ANKRD44: variants seen among roughly 807,000 people sequenced by gnomAD.
ANKRD44 encodes the protein ankyrin repeat domain 44.
In ANKRD44, 35 loss-of-function variants were observed where a neutral mutation model predicts 116.0. The ratio of observed to expected loss-of-function variants is 0.30; its 90% CI spans 0.23 to 0.40. The LOEUF is 0.40. Ranked by LOEUF, ANKRD44 falls within the 10% of genes least tolerant of loss-of-function variation. ANKRD44 has a pLI of 1.00. For missense variants in ANKRD44, 1,014 were observed against 1,242.6 expected, an observed-to-expected ratio of 0.82 and a Z score of 2.77; for synonymous variants, 435 against 461.8, an observed-to-expected ratio of 0.94 and a Z score of 0.74.
Position 196,993,562 on chromosome 2 carries a change from C to T in ANKRD44, c.2923+21G>A, listed in dbSNP as rs188686731. On this transcript the variant is annotated intron_variant, in intron 27 of 27. Transcript: ENST00000282272. ...AGCTTATGGAAGGTACCTGCAGTCGCTGTTGACTTTTTCCACTTACCATTT... is the reference window on the plus strand; with the variant it reads ...AGCTTATGGAAGGTACCTGCAGTCGTTGTTGACTTTTTCCACTTACCATTT... 18 of 1,540,910 alleles carry T rather than the reference C, an allele frequency of 1.2e-5. No homozygotes were observed. In the African/African-American group the frequency reaches 2.5e-4, roughly 21 times the overall value.
At chr2:197,043,299 T>C (rs2124967058) in intron 16 of ANKRD44, among the ~76,000 whole-genome samples, 1 of 152,368 alleles carries the variant, frequency 6.6e-6, no homozygotes, top group Middle Eastern at 3.4e-3. Flanking sequence ...AATAGAAATC[T>C]ATACTTGTAA....
chr2:197,228,529 A>G (rs2125755180), intron 1 of ANKRD44, among the ~76,000 whole-genome samples: 1 of 152,208 alleles, frequency 6.6e-6, no homozygotes, highest in Middle Eastern at 3.4e-3. Context: ...CTAGTTAACC[A>G]CCCTCACATT....
chr2:197,217,106 G>A (rs1590061), intron 1 of ANKRD44, among the ~76,000 whole-genome samples: 51,682 of 151,954 alleles, frequency 0.34, 10,807 homozygotes, highest in East Asian at 0.61. Flanking sequence ...TGGTTTTGCT[G>A]ATGAAAACAG....
chr2:197,023,836 A>G (rs2076541773), intron 17 of ANKRD44, among the ~76,000 whole-genome samples: 1 of 152,252 alleles, frequency 6.6e-6, no homozygotes, highest in South Asian at 2.1e-4. Context: ...AACTGGCATG[A>G]AGATTTATAT....
rs777669694 is a variant in ANKRD44 at position 196,998,382 on chromosome 2, T to G, written c.2703A>C (p.Val901=). 1.9e-6 allele frequency: 3 copies of G among 1,614,004 alleles called. No homozygotes were observed. The South Asian group carries it at 3.3e-5, about 18-fold the overall frequency. The change falls in exon 25 of 28, where the codon GTA becomes GTC. Residue 901 remains valine (V), a synonymous_variant. Coordinates refer to ENST00000282272, the MANE Select transcript of ANKRD44 (RefSeq NM_001195144.2). ...AGGGTGTATTCAAGTCCTTATCCTT[T>G]ACAGTCAGATCAGCCTGGGCACTGT... ...LVNSAQADLT[V]KDKDLNTPLH... is the part of the protein sequence containing the mutation.
chr2:197,108,945 C>T (rs2125267235), intron 9 of ANKRD44, among the ~76,000 whole-genome samples: 1 of 152,294 alleles, frequency 6.6e-6, no homozygotes, highest in South Asian at 2.1e-4. Flanking sequence ...GCCCACATGG[C>T]TCTTGCAGAG....
At chr2:197,258,055 G>A (rs186246086) in intron 1 of ANKRD44, among the ~76,000 whole-genome samples, 2 of 152,064 alleles carry the variant, frequency 1.3e-5, no homozygotes, top group Non-Finnish European at 2.9e-5. Context: ...GTTGCAGCAT[G>A]TGTCAGAATT....
chr2:197,205,633 G>A (rs144290897), intron 1 of ANKRD44, among the ~76,000 whole-genome samples: 1 of 152,268 alleles, frequency 6.6e-6, no homozygotes, highest in Non-Finnish European at 1.5e-5. Context: ...TCCAAGTGCC[G>A]ATGGTGGGCC....
chr2:197,032,617 T>C (rs915134050), intron 16 of ANKRD44, among the ~76,000 whole-genome samples: 1 of 152,198 alleles, frequency 6.6e-6, no homozygotes, highest in Non-Finnish European at 1.5e-5. Flanking sequence ...CTCGATCTCC[T>C]GACCTTCTGA....
At chr2:197,091,817 T>C (rs1013207343) in intron 10 of ANKRD44, among the ~76,000 whole-genome samples, 6 of 152,218 alleles carry the variant, frequency 3.9e-5, no homozygotes, top group African/African-American at 1.4e-4. Flanking sequence ...ATCTTCCTAA[T>C]AGATTTTTAC....
chr2:197,292,181 TA>T lies in ANKRD44; in HGVS notation c.27+18396del, dbSNP rs1480248504. ...GTAGAATGATTCATAATCCTTTGGATATATACCCAGTAATGGGATTGCTGGG... is the reference window on the plus strand; with the variant it reads ...GTAGAATGATTCATAATCCTTTGGATTATACCCAGTAATGGGATTGCTGGG... On this transcript the variant is annotated intron_variant, in intron 1 of 27. Coordinates refer to ENST00000282272, the MANE Select transcript of ANKRD44 (RefSeq NM_001195144.2). Among the ~76,000 whole-genome samples, 4 of 152,236 alleles carry T rather than the reference TA, an allele frequency of 2.6e-5. No individual in the cohort carries two copies. The East Asian group carries it at 7.7e-4, about 29-fold the overall frequency.
intron 16 of ANKRD44, among the ~76,000 whole-genome samples, chr2:197,074,952 G>A (rs1382794952): frequency 6.6e-6 from 1 of 152,114 alleles, no homozygotes; most frequent in Non-Finnish European, 1.5e-5. Flanking sequence ...TCTTTCTTCA[G>A]AGAATCCCAG....
intron 16 of ANKRD44, among the ~76,000 whole-genome samples, chr2:197,049,643 T>C (rs1559020983): frequency 6.6e-6 from 1 of 152,034 alleles, no homozygotes; most frequent in Non-Finnish European, 1.5e-5. Flanking sequence ...ATCTCTACTG[T>C]ATGATTTTTT....
chr2:197,307,294 G>T (rs1290781224), intron 1 of ANKRD44, among the ~76,000 whole-genome samples: 1 of 152,098 alleles, frequency 6.6e-6, no homozygotes, highest in Non-Finnish European at 1.5e-5. Flanking sequence ...CATAGTTGAG[G>T]ATGTTCTATG....
intron 8 of ANKRD44, among the ~76,000 whole-genome samples, chr2:197,119,931 T>C (rs1398757350): frequency 6.6e-6 from 1 of 152,222 alleles, no homozygotes; most frequent in African/African-American, 2.4e-5. Context: ...ACAAGTTACC[T>C]AGAGGTTTTC....
chr2:197,042,139 G>T (rs1268654394), intron 16 of ANKRD44, among the ~76,000 whole-genome samples: 1 of 152,128 alleles, frequency 6.6e-6, no homozygotes, highest in Non-Finnish European at 1.5e-5. Flanking sequence ...TTTTGTGTGT[G>T]TGTCAATTTA....
chr2:197,014,389 C>A (rs2076350308), intron 17 of ANKRD44, among the ~76,000 whole-genome samples: 1 of 152,096 alleles, frequency 6.6e-6, no homozygotes, highest in South Asian at 2.1e-4. Context: ...TTATTTCTTC[C>A]CCTGATTACA....
intron 9 of ANKRD44, among the ~76,000 whole-genome samples, chr2:197,106,443 C>A (rs906207736): frequency 3.4e-5 from 5 of 146,908 alleles, no homozygotes; most frequent in Admixed American, 2.7e-4. Context: ...AGATTTCATC[C>A]CAAAAAAAGA....
At chr2:197,154,764 T>A (rs2079765118) in intron 2 of ANKRD44, among the ~76,000 whole-genome samples, 1 of 152,166 alleles carries the variant, frequency 6.6e-6, no homozygotes, top group Non-Finnish European at 1.5e-5. Flanking sequence ...ATGCATTGTC[T>A]CATAAAGCTG....
Sources: allele counts gnomAD v4.1 joint callset (sites outside exome capture counted in the v4.1 genomes callset), GRCh38; gene constraint gnomAD v4.1.1; transcripts MANE v1.5; gene names NCBI Gene and HGNC (gene_info 2026-07-23, HGNC 2026-07-21).